JMJD1C: variants seen among roughly 807,000 people sequenced by gnomAD.
JMJD1C encodes jumonji domain containing 1C.
In JMJD1C, 31 loss-of-function variants were observed where a neutral mutation model predicts 245.3. That is an observed-to-expected ratio of 0.13 (90% CI 0.09 to 0.17). The LOEUF (loss-of-function observed/expected upper bound fraction) is 0.17, where lower values mean the gene tolerates loss of function less well. Ranked by LOEUF, JMJD1C falls within the 10% of genes least tolerant of loss-of-function variation. JMJD1C has a pLI of 1.00. For synonymous variants in JMJD1C, 1,057 were observed against 1,017.4 expected, an observed-to-expected ratio of 1.04 and a Z score of -0.74; for missense variants, 2,691 against 3,000.2, an observed-to-expected ratio of 0.90 and a Z score of 2.41.
chr10:63,374,922 A>C (rs1351828127), intron 2 of JMJD1C, among the ~76,000 whole-genome samples: 1 of 152,124 alleles, frequency 6.6e-6, no homozygotes, highest in East Asian at 1.9e-4. Context: ...TTTGTTGTGA[A>C]GTCTTTATGG....
chr10:63,214,192 T>C lies in JMJD1C; in HGVS notation c.1975A>G (p.Lys659Glu), dbSNP rs750493771. 1.2e-5 allele frequency: 19 copies of C among 1,613,994 alleles called. No homozygotes were observed. The East Asian group carries it at 3.1e-4, about 26-fold the overall frequency. Residue 659 changes from lysine to glutamate, a missense_variant, in exon 8 of 26, where the codon AAG becomes GAG. By Grantham distance (56) the Lys-to-Glu change is moderately conservative. This residue lies in a region of JMJD1C where 1,562 missense variants were observed against 1,490.7 expected (regional missense o/e 1.05). Transcript: ENST00000399262. Reference protein sequence around the residue: ...ITHSPDSVKSKATYVNSQATG... With the variant: ...ITHSPDSVKSEATYVNSQATG... ...GCTTGGCTGTTCACATAAGTGGCCT[T>C]AGACTTTACAGAATCAGGAGAATGA...
rs575841714 is a variant in JMJD1C at position 63,310,517 on chromosome 10, T to C, written c.334-45753A>G. On this transcript the variant is annotated intron_variant, in intron 2 of 25. Transcript: ENST00000399262. ...ACTTAAAGAGGTGGTGTTAGATTAC[T>C]GTGAAGGATGGGCAGATTACTTAGT... Among the ~76,000 whole-genome samples, 8 of 152,360 alleles carry C rather than the reference T, an allele frequency of 5.3e-5. No individual in the cohort carries two copies. In the South Asian group the frequency reaches 1.7e-3, roughly 32 times the overall value.
intron 1 of JMJD1C, among the ~76,000 whole-genome samples, chr10:63,404,015 T>G (rs1323902721): frequency 1.3e-5 from 2 of 151,948 alleles, no homozygotes; most frequent in African/African-American, 4.8e-5. Context: ...CTCAGGAGAC[T>G]GAGGCAGGAG....
In JMJD1C at chr10:63,380,155, G is replaced by A; in HGVS notation, c.333+163C>T. 5 of 585,756 alleles carry A rather than the reference G, an allele frequency of 8.5e-6. No individual in the cohort carries two copies. The South Asian group carries it at 8.7e-5, about 10-fold the overall frequency. 36.3% of individuals were successfully genotyped at this position (585,756 alleles called of 1,614,324 possible). Reference sequence around the variant, plus strand: ...GATGGGGTCTCGCTTTTTTGCCCAGGCTGATCTCCAACTCCTGGCTTCAAG... The same window carrying A: ...GATGGGGTCTCGCTTTTTTGCCCAGACTGATCTCCAACTCCTGGCTTCAAG... On this transcript the variant is annotated intron_variant, in intron 2 of 25. Transcript: ENST00000399262.
chr10:63,217,001 GTGT>G (rs1848070244), intron 5 of JMJD1C, among the ~76,000 whole-genome samples: 1 of 152,184 alleles, frequency 6.6e-6, no homozygotes, highest in African/African-American at 2.4e-5. Context: ...GATTTTATCA[GTGT>G]TGAAATAAAT....
At chr10:63,352,094 T>C (rs1244309531) in intron 2 of JMJD1C, among the ~76,000 whole-genome samples, 1 of 152,082 alleles carries the variant, frequency 6.6e-6, no homozygotes, top group Non-Finnish European at 1.5e-5. Flanking sequence ...TGAGAACCAA[T>C]GAAGACAGAA....
chr10:63,198,260 T>A (rs1227868763), intron 12 of JMJD1C, among the ~76,000 whole-genome samples: 1 of 152,222 alleles, frequency 6.6e-6, no homozygotes, highest in African/African-American at 2.4e-5. Flanking sequence ...CTAAAGTGGG[T>A]TTAACACATT....
At chr10:63,254,240 G>GA (rs1250203065) in intron 3 of JMJD1C, among the ~76,000 whole-genome samples, 5 of 151,594 alleles carry the variant, frequency 3.3e-5, no homozygotes, top group Non-Finnish European at 4.4e-5. Context: ...CTAGACAGCT[G>GA]AAAAAAAAGA....
At chr10:63,210,736 G>A (rs1428876705) in intron 8 of JMJD1C, among the ~76,000 whole-genome samples, 2 of 152,196 alleles carry the variant, frequency 1.3e-5, no homozygotes, top group Non-Finnish European at 2.9e-5. Flanking sequence ...AATAAAAATA[G>A]AAACCTTGAA....
intron 1 of JMJD1C, among the ~76,000 whole-genome samples, chr10:63,516,932 C>T (rs980535684): frequency 2.6e-5 from 4 of 152,050 alleles, no homozygotes; most frequent in Admixed American, 6.6e-5. Flanking sequence ...ATTCCATAAG[C>T]GACTGCCTGA....
chr10:63,252,517 A>G (rs1231299482), intron 3 of JMJD1C, among the ~76,000 whole-genome samples: 1 of 152,208 alleles, frequency 6.6e-6, no homozygotes, highest in African/African-American at 2.4e-5. Flanking sequence ...CTGAACTACT[A>G]GCCTGCTGGT....
intron 2 of JMJD1C, among the ~76,000 whole-genome samples, chr10:63,302,493 T>C (rs55960329): frequency 0.025 from 3,759 of 152,306 alleles, 153 homozygotes; most frequent in African/African-American, 0.084. Context: ...CATTATAGCT[T>C]TATCTTGCAT....
chr10:63,436,269 A>G (rs531070220), intron 1 of JMJD1C, among the ~76,000 whole-genome samples: 1 of 152,376 alleles, frequency 6.6e-6, no homozygotes, highest in South Asian at 2.1e-4. Flanking sequence ...GTTGAATACA[A>G]GAGGAATAAC....
At chr10:63,198,110 T>C (rs1845653033) in intron 12 of JMJD1C, among the ~76,000 whole-genome samples, 1 of 152,254 alleles carries the variant, frequency 6.6e-6, no homozygotes. Flanking sequence ...GATAGTTATC[T>C]TTCCTATTTT....
At chr10:63,414,227 C>T (rs1949671902) in intron 1 of JMJD1C, among the ~76,000 whole-genome samples, 1 of 152,116 alleles carries the variant, frequency 6.6e-6, no homozygotes, top group Non-Finnish European at 1.5e-5. Flanking sequence ...ACCTCGTGAT[C>T]TGCCTGCCTC....
chr10:63,390,348 A>G (rs1252532047), intron 1 of JMJD1C, among the ~76,000 whole-genome samples: 2 of 152,156 alleles, frequency 1.3e-5, no homozygotes, highest in Non-Finnish European at 2.9e-5. Flanking sequence ...GAAAATCTAA[A>G]CAAACTAATA....
chr10:63,171,192 A>G (rs1002593804), intron 24 of JMJD1C, among the ~76,000 whole-genome samples: 9 of 151,930 alleles, frequency 5.9e-5, no homozygotes, highest in Non-Finnish European at 8.8e-5. Context: ...AAAAAAAAAC[A>G]ACTGTTGCTG....
intron 1 of JMJD1C, among the ~76,000 whole-genome samples, chr10:63,505,945 CA>C (rs35048644): frequency 0.41 from 62,710 of 151,404 alleles, 13,800 homozygotes; most frequent in South Asian, 0.53. Flanking sequence ...CTCCCCCTGC[CA>C]AAATTTAGTC....
chr10:63,406,316 C>T (rs767903808), intron 1 of JMJD1C, among the ~76,000 whole-genome samples: 8 of 152,128 alleles, frequency 5.3e-5, no homozygotes, highest in Admixed American at 2.0e-4. Context: ...GGCATGTATG[C>T]ATCTCCAATG....
Sources: gnomAD v4.1 joint callset for allele counts (sites outside exome capture counted in the v4.1 genomes callset) on GRCh38, gnomAD v4.1.1 for gene constraint, gnomAD v4.1.1 regional missense constraint, MANE v1.5 for transcripts, NCBI Gene and HGNC (gene_info 2026-07-23, HGNC 2026-07-21) for gene names.